APBB2: variants seen among roughly 807,000 people sequenced by gnomAD.
APBB2 encodes the protein amyloid beta precursor protein binding family B member 2.
Under a neutral mutation model 82.5 loss-of-function variants are expected in APBB2, and 38 were observed. The ratio of observed to expected loss-of-function variants is 0.46; its 90% confidence interval spans 0.36 to 0.60. The LOEUF is 0.60. Among genes scored for constraint, APBB2 ranks in the 20% least tolerant of loss-of-function variants. APBB2 has a pLI of 0.00. For missense variants in APBB2, 772 were observed against 972.3 expected (o/e 0.79, Z 2.74); for synonymous variants, 341 against 368.2 (o/e 0.93, Z 0.85).
intron 2 of APBB2, among the ~76,000 whole-genome samples, chr4:41,117,924 T>C (rs1334883238): frequency 6.6e-6 from 1 of 152,112 alleles, no homozygotes; most frequent in African/African-American, 2.4e-5. Flanking sequence ...TAAGGAAATC[T>C]AGCTGAGGGC....
Position 40,853,837 on chromosome 4 carries a change from GGA to G in APBB2, c.1530-23262_1530-23261del, listed in dbSNP as rs1393046987. ...AGCCCAGCTCAAATGTTGCCTCCTA[GGA>G]CAGGCTGCCTCCTGATGGCCCCTTT... On this transcript the variant is annotated intron_variant, in intron 12 of 17. Transcript: ENST00000508593. 2.0e-5 allele frequency among the ~76,000 whole-genome samples: 3 copies of G among 152,214 alleles called. No individual in the cohort carries two copies. The East Asian group carries it at 5.8e-4, about 29-fold the overall frequency.
intron 6 of APBB2, among the ~76,000 whole-genome samples, chr4:41,001,661 T>C (rs1425034686): frequency 6.6e-6 from 1 of 152,106 alleles, no homozygotes; most frequent in African/African-American, 2.4e-5. Context: ...GCGGATCACC[T>C]ACGGTCGGGA....
At chr4:41,168,598 A>G (rs1309951060) in intron 1 of APBB2, among the ~76,000 whole-genome samples, 2 of 152,146 alleles carry the variant, frequency 1.3e-5, no homozygotes, top group Non-Finnish European at 2.9e-5. Flanking sequence ...GTATTTTACA[A>G]AAGTATTGGT....
At chr4:41,125,436 T>C (rs1003379703) in intron 2 of APBB2, among the ~76,000 whole-genome samples, 10 of 152,196 alleles carry the variant, frequency 6.6e-5, no homozygotes, top group Non-Finnish European at 1.5e-4. Flanking sequence ...TTAAATATCC[T>C]GAGGTTGGGT....
At chr4:40,898,421 G>A (rs879431950) in intron 10 of APBB2, among the ~76,000 whole-genome samples, 22 of 150,862 alleles carry the variant, frequency 1.5e-4, no homozygotes, top group African/African-American at 4.8e-4. Context: ...GCGCCACCAC[G>A]CCTCGCTAAT....
intron 10 of APBB2, among the ~76,000 whole-genome samples, chr4:40,907,348 CATATATATA>C (rs1777100920): frequency 4.1e-5 from 4 of 97,332 alleles, no homozygotes; most frequent in African/African-American, 1.6e-4. Context: ...TAATATATTA[CATATATATA>C]TATATATATA....
intron 10 of APBB2, among the ~76,000 whole-genome samples, chr4:40,928,625 C>T (rs1783296870): frequency 6.6e-6 from 1 of 150,670 alleles, no homozygotes; most frequent in Non-Finnish European, 1.5e-5. Flanking sequence ...GTGGCTCATG[C>T]CTGTAATCCC....
At position 41,134,359 on chromosome 4, in the gene APBB2, C is replaced by G. The variant is rs568490992; in HGVS notation, c.-261+8628G>C. The stretch of plus-strand genomic sequence containing the variant: ...CTTTGGGAGGCCAAGGCGGGCTGAT[C>G]ACAAGGTCAGGAGATGGAGACCATC... On this transcript the variant is annotated intron_variant, in intron 2 of 17. Transcript: ENST00000508593. Among the ~76,000 whole-genome samples the G allele has an allele frequency of 3.3e-5, 5 of 152,194 alleles. No homozygotes were observed. The East Asian group carries it at 9.8e-4, about 30-fold the overall frequency.
At chr4:40,900,297 A>G (rs1774899132) in intron 10 of APBB2, among the ~76,000 whole-genome samples, 1 of 152,100 alleles carries the variant, frequency 6.6e-6, no homozygotes, top group Non-Finnish European at 1.5e-5. Flanking sequence ...TCTTCCCTGT[A>G]GATACACCTG....
At chr4:41,187,975 T>C (rs1215273573) in intron 1 of APBB2, among the ~76,000 whole-genome samples, 2 of 152,222 alleles carry the variant, frequency 1.3e-5, no homozygotes, top group African/African-American at 4.8e-5. Context: ...TGAAAAATCA[T>C]TACTCCTTAA....
rs567956147 is a variant in APBB2, at chr4:40,922,389, T to A, written c.1254+12067A>T. On this transcript the variant is annotated intron_variant, in intron 10 of 17. Transcript: ENST00000508593. ...AGATGAATCTACTGCAGACTGCTGTTGAGAGCTGCCACTCTTGGTGTCAGT... is the reference window on the plus strand; with the variant it reads ...AGATGAATCTACTGCAGACTGCTGTAGAGAGCTGCCACTCTTGGTGTCAGT... 7.2e-5 allele frequency among the ~76,000 whole-genome samples: 11 copies of A among 152,322 alleles called. No individual in the cohort carries two copies. In the East Asian group the frequency reaches 2.1e-3, roughly 29 times the overall value.
intron 4 of APBB2, among the ~76,000 whole-genome samples, chr4:41,045,581 C>G (rs1158935558): frequency 6.6e-6 from 1 of 152,120 alleles, no homozygotes; most frequent in Non-Finnish European, 1.5e-5. Context: ...TGTGAGCCAC[C>G]GTGCCTGGCA....
chr4:41,169,536 C>T lies in APBB2; in HGVS notation c.-416-26394G>A, dbSNP rs575824737. 3.3e-5 allele frequency among the ~76,000 whole-genome samples: 5 copies of T among 152,350 alleles called. No individual in the cohort carries two copies. In the East Asian group the frequency reaches 9.6e-4, roughly 29 times the overall value. ...ATGAATTATCCTCAAGCAAATGTCA[C>T]ACACAGTGGGTAGTGATTTCATTTT... On this transcript the variant is annotated intron_variant, in intron 1 of 17. Coordinates refer to ENST00000508593, the MANE Select transcript of APBB2 (RefSeq NM_004307.2).
chr4:40,938,095 C>T (rs778717489), intron 7 of APBB2, among the ~76,000 whole-genome samples: 2 of 152,154 alleles, frequency 1.3e-5, no homozygotes, highest in Non-Finnish European at 2.9e-5. Context: ...GGTAACGGAC[C>T]AACAGGGACC....
intron 10 of APBB2, among the ~76,000 whole-genome samples, chr4:40,902,180 A>T (rs749465832): frequency 2.0e-5 from 3 of 152,056 alleles, no homozygotes; most frequent in Non-Finnish European, 2.9e-5. Context: ...GTTTCTAAGA[A>T]CTCACTAATA....
chr4:41,122,884 T>C (rs576616441), intron 2 of APBB2, among the ~76,000 whole-genome samples: 1 of 152,288 alleles, frequency 6.6e-6, no homozygotes, highest in East Asian at 1.9e-4. Flanking sequence ...GCCCCACCAA[T>C]ATTTTTCTGT....
At chr4:41,011,694 G>C (rs1808420809) in intron 6 of APBB2, among the ~76,000 whole-genome samples, 2 of 152,256 alleles carry the variant, frequency 1.3e-5, no homozygotes, top group Admixed American at 1.3e-4. Flanking sequence ...GCCTTCCAAA[G>C]TGCTGGGATT....
intron 12 of APBB2, among the ~76,000 whole-genome samples, chr4:40,852,958 G>C (rs1328299935): frequency 6.6e-6 from 1 of 152,112 alleles, no homozygotes; most frequent in Non-Finnish European, 1.5e-5. Flanking sequence ...TCAAGGTCTT[G>C]ATACAACATA....
At chr4:40,997,377 C>G (rs946568160) in intron 6 of APBB2, among the ~76,000 whole-genome samples, 2 of 152,182 alleles carry the variant, frequency 1.3e-5, no homozygotes, top group African/African-American at 4.8e-5. Flanking sequence ...TTCTAGCCAC[C>G]AATATCAGAT....
Sources: gnomAD v4.1 joint callset for allele counts (sites outside exome capture counted in the v4.1 genomes callset) on GRCh38, gnomAD v4.1.1 for gene constraint, MANE v1.5 for transcripts, NCBI Gene and HGNC (gene_info 2026-07-23, HGNC 2026-07-21) for gene names.